TMX3: variants seen among roughly 807,000 people sequenced by gnomAD.
TMX3 encodes protein disulfide-isomerase TMX3.
Under a neutral mutation model 64.4 loss-of-function variants are expected in TMX3, and 40 were observed. That is an observed-to-expected ratio of 0.62 (90% CI 0.48 to 0.81). TMX3 has a LOEUF of 0.81. Ranked by LOEUF, TMX3 falls within the 30% of genes least tolerant of loss-of-function variation. The pLI is 0.00. For synonymous variants in TMX3, 189 were observed against 175.7 expected, an observed-to-expected ratio of 1.08 and a Z score of -0.60; for missense variants, 497 against 534.5, an observed-to-expected ratio of 0.93 and a Z score of 0.69.
At chr18:68,681,989 T>G (rs1913482224) in intron 13 of TMX3, among the ~76,000 whole-genome samples, 1 of 152,208 alleles carries the variant, frequency 6.6e-6, no homozygotes, top group African/African-American at 2.4e-5. Context: ...GACGTTTTCT[T>G]AATTATTGCC....
intron 9 of TMX3, 67 bp from the exon 10 acceptor site, chr18:68,687,832 A>C (rs1914111173): frequency 1.6e-6 from 2 of 1,245,830 alleles, no homozygotes; most frequent in Non-Finnish European, 2.3e-6. Context: ...AATAGCTTTA[A>C]TCTGATAATA....
At chr18:68,687,821 T>C (rs1166742683) in intron 9 of TMX3, 56 bp from the exon 10 acceptor site, 13 of 1,351,318 alleles carry the variant, frequency 9.6e-6, no homozygotes, top group African/African-American at 2.9e-5. Context: ...TTAAGAGTTA[T>C]AATAGCTTTA....
At chr18:68,693,569 T>C (rs1004028256) in intron 8 of TMX3, among the ~76,000 whole-genome samples, 1 of 152,122 alleles carries the variant, frequency 6.6e-6, no homozygotes, top group East Asian at 1.9e-4. Flanking sequence ...GGTGTGTGTG[T>C]GTGCTTGGCG....
At chr18:68,694,946 A>AT (rs1237259704) in intron 8 of TMX3, among the ~76,000 whole-genome samples, 8 of 152,244 alleles carry the variant, frequency 5.3e-5, no homozygotes, top group South Asian at 2.1e-4. Context: ...AAATATTTCA[A>AT]TTTTTTTATA....
In TMX3 at chr18:68,707,343, T is replaced by C. The variant is rs561091761; in HGVS notation, c.265+2678A>G. Among the ~76,000 whole-genome samples the C allele has an allele frequency of 5.3e-5, 8 of 152,302 alleles. No individual in the cohort carries two copies. The East Asian group carries it at 1.4e-3, about 26-fold the overall frequency. ...AATGAGTAAAAAGTCGCAACCTGTA[T>C]ATGAGGTCTTACTACTGCTTTTTAA... On this transcript the variant is annotated intron_variant, in intron 4 of 15. Coordinates refer to ENST00000299608, the MANE Select transcript of TMX3 (RefSeq NM_019022.5).
At chr18:68,706,105 T>TG (rs2030631514) in intron 4 of TMX3, among the ~76,000 whole-genome samples, 1 of 152,200 alleles carries the variant, frequency 6.6e-6, no homozygotes, top group Non-Finnish European at 1.5e-5. Context: ...ATACAGACTC[T>TG]CGGCTGGGCA....
At chr18:68,703,930 AAAAC>A (rs539227857) in intron 4 of TMX3, among the ~76,000 whole-genome samples, 23 of 152,172 alleles carry the variant, frequency 1.5e-4, no homozygotes, top group African/African-American at 2.7e-4. Context: ...ACTCTGTCTC[AAAAC>A]AAACAAACAA....
At position 68,701,815 on chromosome 18, in the gene TMX3, T is replaced by C. The variant is rs778326138; in HGVS notation, c.266-25A>G. The C allele has an allele frequency of 5.0e-6, 8 of 1,598,052 alleles. No individual in the cohort carries two copies. The South Asian group carries it at 9.0e-5, about 18-fold the overall frequency. ...CCTTGATAAGAAAAAGAATAAAGCA[T>C]TCTAAATTTTTTTTAAATATGAGAA... On this transcript the variant is annotated intron_variant, in intron 4 of 15. Coordinates refer to ENST00000299608, the MANE Select transcript of TMX3 (RefSeq NM_019022.5).
At chr18:68,684,165 A>G in intron 12 of TMX3, 25 bp downstream of exon 12, 1 of 1,557,074 alleles carries the variant, frequency 6.4e-7, no homozygotes, top group South Asian at 1.2e-5. Context: ...AAAATAAAGG[A>G]ATCTCTCAGA....
Position 68,681,116 on chromosome 18 carries a change from A to T in TMX3, c.906-6T>A. On this transcript the variant is annotated splice_region_variant and splice_polypyrimidine_tract_variant and intron_variant, in intron 13 of 15. Coordinates refer to ENST00000299608, the MANE Select transcript of TMX3 (RefSeq NM_019022.5). ...CAGTTGGGACTGTCAATTCACTGAA[A>T]ATATAAAAACAAATCAAAATATACA... 1 of 1,549,646 alleles carries T rather than the reference A, an allele frequency of 6.5e-7. No homozygotes were observed. The highest frequency in any genetic ancestry group is 2.4e-5 in the East Asian group (1 of 42,420).
At chr18:68,700,079 T>C (rs527902469) in intron 6 of TMX3, among the ~76,000 whole-genome samples, 2 of 152,206 alleles carry the variant, frequency 1.3e-5, no homozygotes, top group South Asian at 2.1e-4. Context: ...AGCAAAATTA[T>C]CATAAAATAA....
At chr18:68,705,434 C>A (rs2030568359) in intron 4 of TMX3, among the ~76,000 whole-genome samples, 2 of 152,096 alleles carry the variant, frequency 1.3e-5, no homozygotes, top group Admixed American at 6.5e-5. Context: ...TCTAGAAAGG[C>A]AAAATTAATT....
intron 4 of TMX3, 23 bp from the exon 5 acceptor site, chr18:68,701,813 C>T (rs754487179): frequency 6.3e-7 from 1 of 1,599,386 alleles, no homozygotes; most frequent in South Asian, 1.1e-5. Context: ...AAGAATAAAG[C>T]ATTCTAAATT....
At chr18:68,691,410 A>C in intron 8 of TMX3, 49 bp from the exon 9 acceptor site, 1 of 1,212,166 alleles carries the variant, frequency 8.2e-7, no homozygotes, top group Non-Finnish European at 1.1e-6. Context: ...AAAAATTCTA[A>C]TTAGTAACTA....
At chr18:68,709,270 A>G (rs2031024519) in intron 4 of TMX3, among the ~76,000 whole-genome samples, 1 of 152,170 alleles carries the variant, frequency 6.6e-6, no homozygotes, top group Non-Finnish European at 1.5e-5. Flanking sequence ...CTCTTTCCAA[A>G]TTCTATGATA....
At chr18:68,711,425 G>A in intron 2 of TMX3, 22 bp from the exon 3 acceptor site, 1 of 1,554,764 alleles carries the variant, frequency 6.4e-7, no homozygotes, top group South Asian at 1.2e-5. Flanking sequence ...GAAAACAAAT[G>A]TTTGATTGTA....
At chr18:68,708,035 GTATATA>G (rs1568203433) in intron 4 of TMX3, among the ~76,000 whole-genome samples, 4,043 of 145,140 alleles carry the variant, frequency 0.028, 186 homozygotes, top group African/African-American at 0.11. Flanking sequence ...GTGTATATGT[GTATATA>G]TGTGTATATA....
In TMX3 at chr18:68,674,919, T is replaced by C. The variant is rs931469210; in HGVS notation, c.*2014A>G. The stretch of plus-strand genomic sequence containing the variant: ...CATTTATAAACAACATCACAGAATA[T>C]AAACGAAGATCATATTTTGTGGATG... On this transcript the variant is annotated 3_prime_UTR_variant, in exon 16 of 16. Coordinates refer to ENST00000299608, the MANE Select transcript of TMX3 (RefSeq NM_019022.5). 3.9e-5 allele frequency: 6 copies of C among 152,070 alleles called. No individual in the cohort carries two copies. The highest frequency in any genetic ancestry group is 1.2e-4 in the African/African-American group (5 of 41,434). The allele number at this position is 152,070 out of a possible 1,614,324, so 9.4% of individuals were successfully genotyped here. A position where few individuals can be genotyped will look rare whatever the true frequency, so the allele number is the denominator to read the frequency against.
Position 68,676,827 on chromosome 18 carries a change from G to C in TMX3, c.*106C>G. ...CATGCAGTTGATATTAGCAAAATAC[G>C]AATAACATGTTCTTTTCTGTAAAGA... On this transcript the variant is annotated 3_prime_UTR_variant, in exon 16 of 16. Transcript: ENST00000299608. 7.2e-7 allele frequency: 1 copy of C among 1,395,576 alleles called. No homozygotes were observed. The highest frequency in any genetic ancestry group is 1.4e-5 in the South Asian group (1 of 69,048). The allele number at this position is 1,395,576 out of a possible 1,614,324, so 86.4% of individuals were successfully genotyped here.
Sources: gnomAD v4.1 joint callset for allele counts (sites outside exome capture counted in the v4.1 genomes callset) on GRCh38, gnomAD v4.1.1 for gene constraint, MANE v1.5 for transcripts, NCBI Gene and HGNC (gene_info 2026-07-23, HGNC 2026-07-21) for gene names.